The following NDST2 variants were observed in gnomAD, a reference collection of about 807,000 sequenced individuals.
NDST2 encodes the protein bifunctional heparan sulfate N-deacetylase/N-sulfotransferase 2.
Under a neutral mutation model 86.9 loss-of-function variants are expected in NDST2, and 32 were observed. The observed-to-expected ratio is 0.37, with a 90% CI of 0.28 to 0.49. The LOEUF is 0.49. Among genes scored for constraint, NDST2 ranks in the 20% least tolerant of loss-of-function variants. The probability of loss-of-function intolerance (pLI) is 0.97; values close to 1 mark genes in which losing one functional copy is unlikely to be tolerated. For synonymous variants in NDST2, 409 were observed against 437.0 expected (o/e 0.94, Z 0.80); for missense variants, 950 against 1,146.9 (o/e 0.83, Z 2.48).
Position 73,806,021 on chromosome 10 carries a change from GGCA to G in NDST2, c.1439_1441del (p.Leu480del). On this transcript the variant is annotated inframe_deletion, in exon 7 of 15. Transcript: ENST00000309979. This position sits in a 1 kb window ranked among gnomAD's most constrained non-coding sequence, Gnocchi z 4.5. ...AGTGAAGAGGCCACATGTCTGCCGG[GGCA>G]GCACCTGGAGGGAAAAGAAAAAACA... is the stretch of plus-strand genomic sequence containing the variant. 1 of 1,613,132 alleles carries G rather than the reference GGCA, an allele frequency of 6.2e-7. No homozygotes were observed. The highest frequency in any genetic ancestry group is 8.5e-7 in the Non-Finnish European group (1 of 1,179,742).
rs142808811 is a variant in NDST2 at position 73,803,978 on chromosome 10, C to A, written c.1882G>T (p.Ala628Ser). The change falls in exon 10 of 15, where the codon GCT becomes TCT. Residue 628 changes from alanine (A) to serine (S), a missense_variant. Around this residue, in one of 5 missense-constraint regions of NDST2, gnomAD observed 303 missense variants for 323.7 expected, o/e 0.94. Transcript: ENST00000309979. ...GGGCTAGGGAAGCTGCTAGTTACAG[C>A]TGGGTGCAGGCTCAGGAAGAAGTGA... ...AIHFFLSLHP[A>S]VTSSFPSPST... is the part of the protein sequence containing the mutation. The A allele has an allele frequency of 3.1e-6, 5 of 1,614,008 alleles. No homozygotes were observed. The highest frequency in any genetic ancestry group is 1.3e-5 in the African/African-American group (1 of 74,886).
intron 8 of NDST2, 87 bp downstream of exon 8, chr10:73,805,500 C>T (rs541987439): frequency 9.7e-5 from 128 of 1,321,328 alleles, no homozygotes; most frequent in Non-Finnish European, 1.3e-4. Context: ...GGTGACAGAG[C>T]GAGATTCTGT....
chr10:73,807,535 G>A lies in NDST2; in HGVS notation c.854C>T (p.Ser285Phe), dbSNP rs2084124646. The A allele has an allele frequency of 6.2e-7, 1 of 1,614,196 alleles. No individual in the cohort carries two copies. Among genetic ancestry groups the A allele is most frequent in the Non-Finnish European group, 8.5e-7 (1 of 1,180,032 alleles). The change falls in exon 3 of 15, where the codon TCC (serine) becomes TTC (phenylalanine). Residue 285 changes from serine (S) to phenylalanine (F), a missense_variant. Ser to Phe is a radical substitution (Grantham distance 155, BLOSUM62 -2). Around this residue, in one of 5 missense-constraint regions of NDST2, gnomAD observed 586 missense variants for 714.0 expected, o/e 0.82. Transcript: ENST00000309979. The stretch of plus-strand genomic sequence containing the variant: ...GAAGATAAGTTTGTGGAGCCAGAAG[G>A]AAAGGCCATGTCCAAAGAGCACCCG... ...IQRVLFGHGLSFWLHKLIFVD... is the reference protein window; with the variant it reads ...IQRVLFGHGLFFWLHKLIFVD...
At chr10:73,805,536 A>G (rs375054717) in intron 8 of NDST2, 51 bp downstream of exon 8, 1 of 1,576,624 alleles carries the variant, frequency 6.3e-7, no homozygotes, top group Admixed American at 1.7e-5. Flanking sequence ...ACAACAACAA[A>G]AAACACCCCA....
chr10:73,806,129 T>G lies in NDST2; in HGVS notation c.1435-101A>C, dbSNP rs772330694. 3.2e-6 allele frequency: 5 copies of G among 1,542,152 alleles called. No homozygotes were observed. Among genetic ancestry groups the G allele is most frequent in the Non-Finnish European group, 4.4e-6 (5 of 1,129,404 alleles). On this transcript the variant is annotated intron_variant, in intron 6 of 14. Transcript: ENST00000309979. The surrounding 1 kb of genome is among the most constrained non-coding windows in gnomAD (Gnocchi z 4.5). The stretch of plus-strand genomic sequence containing the variant: ...AGGACTGAGTCTGAAGTTATAGCAA[T>G]AAAGCTCTTACTGAGGGTGTTAAAA...
At chr10:73,804,094 G>A in intron 9 of NDST2, 78 bp from the exon 10 acceptor site, 3 of 1,528,282 alleles carry the variant, frequency 2.0e-6, no homozygotes, top group Admixed American at 4.0e-5. Flanking sequence ...CTTGAAGGAA[G>A]TGAAAAAATA....
At position 73,803,212 on chromosome 10, in the gene NDST2, G is replaced by C; in HGVS notation, c.2290C>G (p.Leu764Val). 1 of 1,614,244 alleles carries C rather than the reference G, an allele frequency of 6.2e-7. No individual in the cohort carries two copies. ...GYYSTHLQRW[L>V]TYYPSGQLLI... ...ACCTGTCCAGAGGGGTAGTAAGTCA[G>C]CCAGCGTTGTAGATGGGTAGAATAG... is the stretch of plus-strand genomic sequence containing the variant. The change falls in exon 12 of 15, where the codon CTG becomes GTG. Residue 764 changes from leucine to valine, a missense_variant. Leu to Val is a conservative substitution (Grantham distance 32, BLOSUM62 1). Coordinates refer to ENST00000309979, the MANE Select transcript of NDST2 (RefSeq NM_003635.4).
At chr10:73,811,631 G>T (rs971439668), upstream of NDST2, 1 of 152,124 alleles carries the variant, frequency 6.6e-6, no homozygotes, top group Non-Finnish European at 1.5e-5. Context: ...GCTCCCACCG[G>T]GGGAGGCGGC....
chr10:73,803,002 G>A lies in NDST2; in HGVS notation c.2393C>T (p.Thr798Ile). ...GGTCCGTGTGTAGTTCAGAAAGGGT[G>A]TGATACCCAGGAACTTCTGGATGCT... is the stretch of plus-strand genomic sequence containing the variant. Reference protein sequence around the residue: ...MESIQKFLGITPFLNYTRTLR... With the variant: ...MESIQKFLGIIPFLNYTRTLR... The change falls in exon 13 of 15, where the codon ACA becomes ATA. Residue 798 changes from threonine (T) to isoleucine (I), a missense_variant. Physicochemically the swap from Thr to Ile is moderately conservative, Grantham distance 89 (BLOSUM62 -1). Around this residue, in one of 5 missense-constraint regions of NDST2, gnomAD observed 303 missense variants for 323.7 expected, o/e 0.94. Coordinates refer to ENST00000309979, the MANE Select transcript of NDST2 (RefSeq NM_003635.4). The A allele has an allele frequency of 6.2e-7, 1 of 1,614,216 alleles. No individual in the cohort carries two copies. Among genetic ancestry groups the A allele is most frequent in the Non-Finnish European group, 8.5e-7 (1 of 1,180,036 alleles).
At chr10:73,803,398 T>G in intron 11 of NDST2, 39 bp from the exon 12 acceptor site, 5 of 1,611,560 alleles carry the variant, frequency 3.1e-6, no homozygotes, top group Non-Finnish European at 4.2e-6. Context: ...GACTGGTGAT[T>G]TGACAGTATT....
Position 73,802,214 on chromosome 10 carries a change from C to T in NDST2, c.*237G>A, listed in dbSNP as rs61864473. 9,703 of 588,038 alleles carry T rather than the reference C, an allele frequency of 0.017. 125 individuals are homozygous for T. Among genetic ancestry groups the T allele is most frequent in the Non-Finnish European group, 0.024 (7,867 of 331,934 alleles). The allele number at this position is 588,038 out of a possible 1,614,324, so 36.4% of individuals were successfully genotyped here. On this transcript the variant is annotated 3_prime_UTR_variant, in exon 15 of 15. Transcript: ENST00000309979. ...GGACCCTCTCATTCCTCCCCACCTC[C>T]CAAGATGATGGGTCAAAGGTACCTA...
At position 73,803,875 on chromosome 10, in the gene NDST2, A is replaced by C. The variant is rs748615914; in HGVS notation, c.1967+18T>G. 3 of 1,614,096 alleles carry C rather than the reference A, an allele frequency of 1.9e-6. No homozygotes were observed. The highest frequency in any genetic ancestry group is 2.5e-6 in the Non-Finnish European group (3 of 1,179,980). ...GGAGTGTTCCTCTGAGAAACATTCAAATGGGGCCCAGTCTCACCAGTCAAT... is the reference window on the plus strand; with the variant it reads ...GGAGTGTTCCTCTGAGAAACATTCACATGGGGCCCAGTCTCACCAGTCAAT... On this transcript the variant is annotated intron_variant, in intron 10 of 14. Coordinates refer to ENST00000309979, the MANE Select transcript of NDST2 (RefSeq NM_003635.4).
intron 3 of NDST2, 49 bp downstream of exon 3, chr10:73,807,335 C>A: frequency 6.2e-7 from 1 of 1,602,894 alleles, no homozygotes; most frequent in East Asian, 2.2e-5. Context: ...GTCTGACAGG[C>A]CAGAGTGTGA....
At chr10:73,803,444 G>A in intron 11 of NDST2, 85 bp from the exon 12 acceptor site, 1 of 1,560,046 alleles carries the variant, frequency 6.4e-7, no homozygotes, top group Middle Eastern at 1.7e-4. Flanking sequence ...AGACAGCACA[G>A]CACGGGTACC....
At chr10:73,803,414 C>G in intron 11 of NDST2, 55 bp from the exon 12 acceptor site, 1 of 1,603,586 alleles carries the variant, frequency 6.2e-7, no homozygotes, top group Non-Finnish European at 8.5e-7. Flanking sequence ...GTATTCTGCC[C>G]TTACGCTTGG....
Position 73,804,914 on chromosome 10 carries a change from T to TG in NDST2, c.1747-46_1747-45insC. 4 of 1,309,652 alleles carry TG rather than the reference T, an allele frequency of 3.1e-6. No individual in the cohort carries two copies. In the East Asian group the frequency reaches 7.2e-5, roughly 24 times the overall value. The allele number at this position is 1,309,652 out of a possible 1,614,324, so 81.1% of individuals were successfully genotyped here. A position where few individuals can be genotyped will look rare whatever the true frequency, so the allele number is the denominator to read the frequency against. ...TCAGATAAGGCCTATTTTTTTTTTTTTTTTGAGACGGAGTTTCGTTCTTGT... is the reference window on the plus strand; with the variant it reads ...TCAGATAAGGCCTATTTTTTTTTTTTGTTTTGAGACGGAGTTTCGTTCTTGT... On this transcript the variant is annotated intron_variant, in intron 8 of 14. Transcript: ENST00000309979.
Position 73,807,465 on chromosome 10 carries a change from G to T in NDST2, c.924C>A (p.Asp308Glu). ...TGTCTACCAAGATGTAGCGGTCAAG[G>T]TCCAGGCAGAGGCGCTTGCCAGTGA... ...AYLTGKRLCL[D>E]LDRYILVDID... The change falls in exon 3 of 15, where the codon GAC becomes GAA. Residue 308 changes from aspartate to glutamate, a missense_variant. Around this residue, in one of 5 missense-constraint regions of NDST2, gnomAD observed 586 missense variants for 714.0 expected, o/e 0.82. Coordinates refer to ENST00000309979, the MANE Select transcript of NDST2 (RefSeq NM_003635.4). 2 of 1,614,184 alleles carry T rather than the reference G, an allele frequency of 1.2e-6. No homozygotes were observed. The highest frequency in any genetic ancestry group is 1.7e-6 in the Non-Finnish European group (2 of 1,180,040).
In NDST2 at chr10:73,803,265, A is replaced by G; in HGVS notation, c.2237T>C (p.Leu746Pro). The G allele has an allele frequency of 6.2e-7, 1 of 1,614,216 alleles. No homozygotes were observed. The highest frequency in any genetic ancestry group is 8.5e-7 in the Non-Finnish European group (1 of 1,180,014). ...SSQTPLALRS[L>P]QNRCLVPGYY... Reference sequence around the variant, plus strand: ...GCCAGGGACAAGACAGCGGTTCTGCAGGGAGCGTAGTGCCAGAGGGGTCTG... The same window carrying G: ...GCCAGGGACAAGACAGCGGTTCTGCGGGGAGCGTAGTGCCAGAGGGGTCTG... The change falls in exon 12 of 15, where the codon CTG becomes CCG. Residue 746 changes from leucine (L) to proline (P), a missense_variant. Physicochemically the swap from Leu to Pro is moderately conservative, Grantham distance 98 (BLOSUM62 -3). Transcript: ENST00000309979.
intron 9 of NDST2, among the ~76,000 whole-genome samples, chr10:73,804,308 G>C (rs2084060983): frequency 6.6e-6 from 1 of 152,186 alleles, no homozygotes; most frequent in South Asian, 2.1e-4. Context: ...GATCAATGAG[G>C]GGTGGGTATA....
Sources: allele counts gnomAD v4.1 joint callset (sites outside exome capture counted in the v4.1 genomes callset), GRCh38; gene constraint gnomAD v4.1.1; regional missense constraint gnomAD v4.1.1; non-coding constraint Gnocchi (gnomAD v3.1); transcripts MANE v1.5; gene names NCBI Gene and HGNC (gene_info 2026-07-23, HGNC 2026-07-21).